ADAP1: variants seen among roughly 807,000 people sequenced by gnomAD.
The protein encoded by ADAP1 is ArfGAP with dual PH domains 1.
ADAP1 carries 31 observed loss-of-function variants against 54.9 expected under a neutral mutation model. The ratio of observed to expected loss-of-function variants is 0.56; its 90% confidence interval spans 0.42 to 0.76. The LOEUF is 0.76. Ranked by LOEUF, ADAP1 falls within the 30% of genes least tolerant of loss-of-function variation. The pLI is 0.00. For synonymous variants in ADAP1, 313 were observed against 202.6 expected (o/e 1.55, Z -4.63); for missense variants, 535 against 512.4 (o/e 1.04, Z -0.42).
At chr7:936,947 G>GTGGGGC (rs1021409237) in intron 1 of ADAP1, among the ~76,000 whole-genome samples, 3 of 152,250 alleles carry the variant, frequency 2.0e-5, no homozygotes, top group Admixed American at 6.5e-5. Flanking sequence ...CGGAGGCCCA[G>GTGGGGC]TGGGGCTGGG....
chr7:908,102 G>A (rs1226188830), intron 4 of ADAP1, among the ~76,000 whole-genome samples: 5 of 152,148 alleles, frequency 3.3e-5, no homozygotes, highest in South Asian at 2.1e-4. Context: ...TGGGAGCCCC[G>A]GTCATCTGAG....
intron 1 of ADAP1, among the ~76,000 whole-genome samples, chr7:944,480 C>G (rs1583187714): frequency 6.6e-6 from 1 of 152,148 alleles, no homozygotes; most frequent in Admixed American, 6.5e-5. Flanking sequence ...TCTCAAACTC[C>G]TGACCTCAGG....
intron 2 of ADAP1, among the ~76,000 whole-genome samples, chr7:930,575 T>C (rs1184850197): frequency 6.6e-6 from 1 of 151,190 alleles, no homozygotes; most frequent in African/African-American, 2.4e-5. Flanking sequence ...TCCCAGAACT[T>C]TGGGAGGCCG....
chr7:949,107 G>A (rs1364596931), intron 1 of ADAP1, among the ~76,000 whole-genome samples: 4 of 152,244 alleles, frequency 2.6e-5, no homozygotes, highest in African/African-American at 7.2e-5. Flanking sequence ...GTGAAGGGCT[G>A]GTCTGGTCCG....
At position 935,371 on chromosome 7, in the gene ADAP1, G is replaced by A. The variant is rs765650394; in HGVS notation, c.213+4C>T. ...CGGGTCCCCCCGCCCCTCCCCCTCC[G>A]TACCTCCACTTGGGCCTCCTCCCAG... On this transcript the variant is annotated splice_donor_region_variant and intron_variant, in intron 2 of 10. Transcript: ENST00000265846. 2.6e-6 allele frequency: 4 copies of A among 1,524,326 alleles called. No homozygotes were observed. Among genetic ancestry groups the A allele is most frequent in the Non-Finnish European group, 3.5e-6 (4 of 1,127,344 alleles). 94.4% of individuals were successfully genotyped at this position (1,524,326 alleles called of 1,614,324 possible).
At chr7:955,055 C>T (rs1397781516), upstream of ADAP1, among the ~76,000 whole-genome samples, 1 of 152,150 alleles carries the variant, frequency 6.6e-6, no homozygotes, top group Non-Finnish European at 1.5e-5. Context: ...GGACCAGGAC[C>T]AGGGCGCTCA....
At chr7:935,302 TCTCTGGCTCCA>T in intron 2 of ADAP1, 62 bp downstream of exon 2, 1 of 1,518,580 alleles carries the variant, frequency 6.6e-7, no homozygotes, top group South Asian at 1.2e-5. Context: ...CCGCCCGGCA[TCTCTGGCTCCA>T]GAGGCCCGGG....
At chr7:925,444 T>A (rs866620074) in intron 3 of ADAP1, among the ~76,000 whole-genome samples, 2 of 135,322 alleles carry the variant, frequency 1.5e-5, no homozygotes, top group South Asian at 2.7e-4. Context: ...CTCTCCCTCC[T>A]CCCTCTTCCC....
upstream of ADAP1, chr7:954,718 C>T (rs1306691186): frequency 1.0e-6 from 1 of 981,290 alleles, no homozygotes; most frequent in Non-Finnish European, 1.2e-6. Flanking sequence ...GCGCTCTGGC[C>T]GGCAAGGCCC....
chr7:904,296 A>G (rs372229849), intron 5 of ADAP1, 24 bp from the exon 6 acceptor site: 1 of 1,544,342 alleles, frequency 6.5e-7, no homozygotes, highest in Non-Finnish European at 8.7e-7. Flanking sequence ...GGGTCTAAGC[A>G]CCTCACAGGG....
At chr7:954,109 G>A (rs954128227) in intron 1 of ADAP1, among the ~76,000 whole-genome samples, 3 of 152,074 alleles carry the variant, frequency 2.0e-5, no homozygotes, top group Non-Finnish European at 4.4e-5. Context: ...CGCGGTGACC[G>A]TCAGACACGC....
chr7:943,792 G>T (rs1583187031), intron 1 of ADAP1, among the ~76,000 whole-genome samples: 1 of 72,202 alleles, frequency 1.4e-5, no homozygotes, highest in African/African-American at 6.3e-5. Context: ...GAGGAAGGGA[G>T]GAGGAGGAAG....
chr7:945,862 G>A lies in ADAP1; in HGVS notation c.82+8534C>T. 1 of 983,158 alleles carries A rather than the reference G, an allele frequency of 1.0e-6. No homozygotes were observed. Among genetic ancestry groups the A allele is most frequent in the Non-Finnish European group, 1.2e-6 (1 of 827,810 alleles). 60.9% of individuals were successfully genotyped at this position (983,158 alleles called of 1,614,324 possible). ...CCACATTCTTGGGCGGAGCCAGGTGGGGCAGGCGTGTCCCCCAAGCCAAGG... is the reference window on the plus strand; with the variant it reads ...CCACATTCTTGGGCGGAGCCAGGTGAGGCAGGCGTGTCCCCCAAGCCAAGG... On this transcript the variant is annotated intron_variant, in intron 1 of 10. Coordinates refer to ENST00000265846, the MANE Select transcript of ADAP1 (RefSeq NM_006869.4). This position sits in a 1 kb window ranked among gnomAD's most constrained non-coding sequence, Gnocchi z 4.2.
chr7:917,541 T>C (rs1273269174), intron 4 of ADAP1, among the ~76,000 whole-genome samples: 1 of 152,170 alleles, frequency 6.6e-6, no homozygotes, highest in Non-Finnish European at 1.5e-5. Flanking sequence ...CTCGGCTCAT[T>C]GCAACCTCCG....
chr7:936,779 G>A (rs953538958), intron 1 of ADAP1, among the ~76,000 whole-genome samples: 3 of 152,224 alleles, frequency 2.0e-5, no homozygotes, highest in Admixed American at 2.0e-4. Context: ...TGGAAATCGA[G>A]GCGCTTCCCC....
intron 1 of ADAP1, among the ~76,000 whole-genome samples, chr7:949,046 T>G (rs1847207116): frequency 6.6e-6 from 1 of 152,228 alleles, no homozygotes; most frequent in African/African-American, 2.4e-5. Flanking sequence ...CCAAGTGCCA[T>G]CACCATCTGT....
intron 7 of ADAP1, 88 bp from the exon 8 acceptor site, chr7:900,252 C>T (rs925180448): frequency 2.1e-5 from 31 of 1,511,998 alleles, no homozygotes; most frequent in Admixed American, 1.7e-4. Flanking sequence ...GCTCCCCTCA[C>T]CCCGGGCCAC....
intron 2 of ADAP1, chr7:927,249 G>C: frequency 1.6e-6 from 2 of 1,251,388 alleles, no homozygotes; most frequent in Non-Finnish European, 2.1e-6. Context: ...TGCTGCAGGA[G>C]GCTGTCGTTC....
chr7:954,682 C>T, upstream of ADAP1: 1 of 981,708 alleles, frequency 1.0e-6, no homozygotes, highest in Non-Finnish European at 1.2e-6. Flanking sequence ...TGAGCGAGTG[C>T]CGGCGCGGGG....
Sources: allele counts gnomAD v4.1 joint callset (sites outside exome capture counted in the v4.1 genomes callset), GRCh38; gene constraint gnomAD v4.1.1; non-coding constraint Gnocchi (gnomAD v3.1); transcripts MANE v1.5; gene names NCBI Gene and HGNC (gene_info 2026-07-23, HGNC 2026-07-21).